ARHGEF19: variants seen among roughly 807,000 people sequenced by gnomAD.
ARHGEF19 encodes Rho guanine nucleotide exchange factor (GEF) 19.
A neutral mutation model predicts 87.6 loss-of-function variants in ARHGEF19; 92 were observed. The ratio of observed to expected loss-of-function variants is 1.05; its 90% confidence interval spans 0.89 to 1.25. ARHGEF19 has a LOEUF of 1.25. ARHGEF19 is among the 50% of genes most tolerant of loss of function. The probability of loss-of-function intolerance (pLI) is 0.00; values close to 1 mark genes in which losing one functional copy is unlikely to be tolerated. For synonymous variants in ARHGEF19, 438 were observed against 446.2 expected (o/e 0.98, Z 0.23); for missense variants, 1,054 against 1,051.8 (o/e 1.00, Z -0.03).
At position 16,199,249 on chromosome 1, in the gene ARHGEF19, G is replaced by C. The variant is rs779344158; in HGVS notation, c.2152C>G (p.Pro718Ala). Residue 718 changes from proline (P) to alanine (A), a missense_variant, in exon 15 of 16, where the codon CCC becomes GCC. Coordinates refer to ENST00000270747, the MANE Select transcript of ARHGEF19 (RefSeq NM_153213.5). Reference protein sequence around the residue: ...KEVISEGEDCPQVQCVRTYKA... With the variant: ...KEVISEGEDCAQVQCVRTYKA... ...TATGTCCTAACACACTGAACCTGGGGGCAATCTGACAGCCCAAGGGAGGCT... is the reference window on the plus strand; with the variant it reads ...TATGTCCTAACACACTGAACCTGGGCGCAATCTGACAGCCCAAGGGAGGCT... 2 of 1,613,918 alleles carry C rather than the reference G, an allele frequency of 1.2e-6. No homozygotes were observed. Among genetic ancestry groups the C allele is most frequent in the East Asian group, 4.5e-5 (2 of 44,876 alleles).
intron 1 of ARHGEF19, 79 bp from the exon 2 acceptor site, chr1:16,209,162 A>G (rs2081175314): frequency 8.8e-7 from 1 of 1,137,484 alleles, no homozygotes; most frequent in African/African-American, 1.6e-5. Context: ...AGGCCTGGAC[A>G]AACCCCTGTG....
At position 16,205,989 on chromosome 1, in the gene ARHGEF19, C is replaced by G; in HGVS notation, c.1393G>C (p.Val465Leu). 2 of 1,611,038 alleles carry G rather than the reference C, an allele frequency of 1.2e-6. No individual in the cohort carries two copies. Among genetic ancestry groups the G allele is most frequent in the Non-Finnish European group, 8.5e-7 (1 of 1,178,732 alleles). ...VLDHCPAFRR[V>L]YLPYVTNQAY... ...TGGTTGGTGACATAGGGCAGGTAGA[C>G]TCTGCGGAAGGCCGGGCAGTGGTCC... The change falls in exon 8 of 16, where the codon GTC becomes CTC. Residue 465 changes from valine to leucine, a missense_variant. Physicochemically the swap from Val to Leu is conservative, Grantham distance 32. Coordinates refer to ENST00000270747, the MANE Select transcript of ARHGEF19 (RefSeq NM_153213.5). The surrounding 1 kb of genome is among the most constrained non-coding windows in gnomAD (Gnocchi z 5.8).
intron 13 of ARHGEF19, 151 bp from the exon 14 acceptor site, chr1:16,202,012 C>T: frequency 1.2e-6 from 1 of 806,750 alleles, no homozygotes. Flanking sequence ...ACCCCAGGGC[C>T]CACCCCACAA....
chr1:16,201,181 C>G (rs2081080874), intron 14 of ARHGEF19, among the ~76,000 whole-genome samples: 1 of 152,102 alleles, frequency 6.6e-6, no homozygotes, highest in African/African-American at 2.4e-5. Flanking sequence ...ATGATCATGC[C>G]ACTGCACTCC....
rs764583601 is a variant in ARHGEF19, at chr1:16,205,541, C to G, written c.1578G>C (p.Val526=). ...GTGGCCTGTCCCCTCGAGGTACCTC[C>G]ACCAACATCTTGAGGCGGGTGATCC... ...FQRITRLKML[V]ENILKRTAQG... is the part of the protein sequence containing the mutation. Residue 526 remains valine, a synonymous_variant, in exon 9 of 16, where the codon GTG becomes GTC. Coordinates refer to ENST00000270747, the MANE Select transcript of ARHGEF19 (RefSeq NM_153213.5). The surrounding 1 kb of genome is among the most constrained non-coding windows in gnomAD (Gnocchi z 5.8). 2 of 1,614,076 alleles carry G rather than the reference C, an allele frequency of 1.2e-6. No individual in the cohort carries two copies. The highest frequency in any genetic ancestry group is 1.7e-6 in the Non-Finnish European group (2 of 1,179,988).
chr1:16,205,015 G>A lies in ARHGEF19; in HGVS notation c.1746+72C>T, dbSNP rs1444197100. The A allele has an allele frequency of 6.4e-7, 1 of 1,561,808 alleles. No homozygotes were observed. The highest frequency in any genetic ancestry group is 2.4e-5 in the East Asian group (1 of 41,990). ...GGTGTGGGCAGCGATTAACTGGCCT[G>A]AAGCCCCCAGGGCAAGGAAGAAACA... On this transcript the variant is annotated intron_variant, in intron 11 of 15. Transcript: ENST00000270747. The surrounding 1 kb of genome is among the most constrained non-coding windows in gnomAD (Gnocchi z 5.8).
intron 14 of ARHGEF19, among the ~76,000 whole-genome samples, chr1:16,201,380 C>T (rs2081082525): frequency 6.6e-6 from 1 of 152,216 alleles, no homozygotes; most frequent in Non-Finnish European, 1.5e-5. Context: ...ACTACCCCCA[C>T]CACCCCTCAT....
intron 13 of ARHGEF19, 149 bp from the exon 14 acceptor site, chr1:16,202,010 G>GCCCA: frequency 1.3e-6 from 1 of 765,312 alleles, no homozygotes; most frequent in Non-Finnish European, 2.0e-6. Context: ...CCACCCCAGG[G>GCCCA]CCCACCCCAC....
Position 16,206,394 on chromosome 1 carries a change from C to T in ARHGEF19, c.1138-54G>A, listed in dbSNP as rs1241271387. On this transcript the variant is annotated intron_variant, in intron 6 of 15. Coordinates refer to ENST00000270747, the MANE Select transcript of ARHGEF19 (RefSeq NM_153213.5). This position sits in a 1 kb window ranked among gnomAD's most constrained non-coding sequence, Gnocchi z 4.6. Reference sequence around the variant, plus strand: ...GGGCAGGACCAGTTCACCTCGGAGGCCCTGGCCTCACATCCCCAGACCCCA... The same window carrying T: ...GGGCAGGACCAGTTCACCTCGGAGGTCCTGGCCTCACATCCCCAGACCCCA... 1 of 1,548,554 alleles carries T rather than the reference C, an allele frequency of 6.5e-7. No individual in the cohort carries two copies. The highest frequency in any genetic ancestry group is 1.7e-4 in the Middle Eastern group (1 of 5,994).
Position 16,205,534 on chromosome 1 carries a change from G to A in ARHGEF19, c.1581+4C>T. 1.2e-6 allele frequency: 2 copies of A among 1,614,024 alleles called. No homozygotes were observed. The highest frequency in any genetic ancestry group is 2.7e-5 in the African/African-American group (2 of 75,014). ...CCTCACTGTGGCCTGTCCCCTCGAGGTACCTCCACCAACATCTTGAGGCGG... is the reference window on the plus strand; with the variant it reads ...CCTCACTGTGGCCTGTCCCCTCGAGATACCTCCACCAACATCTTGAGGCGG... On this transcript the variant is annotated splice_donor_region_variant and intron_variant, in intron 9 of 15. Coordinates refer to ENST00000270747, the MANE Select transcript of ARHGEF19 (RefSeq NM_153213.5). This position sits in a 1 kb window ranked among gnomAD's most constrained non-coding sequence, Gnocchi z 5.8.
Position 16,205,120 on chromosome 1 carries a change from G to A in ARHGEF19, c.1713C>T (p.Ile571=). Residue 571 remains isoleucine, a synonymous_variant, in exon 11 of 16, where the codon ATC becomes ATT. Transcript: ENST00000270747. This position sits in a 1 kb window ranked among gnomAD's most constrained non-coding sequence, Gnocchi z 5.8. ...VQSMKRTEEL[I]HLSKKIHFEG... The stretch of plus-strand genomic sequence containing the variant: ...CAAAGTGGATCTTCTTGCTCAGGTG[G>A]ATGAGTTCCTCTGTCCTCTTCATGG... 3 of 1,606,398 alleles carry A rather than the reference G, an allele frequency of 1.9e-6. No homozygotes were observed. Among genetic ancestry groups the A allele is most frequent in the Non-Finnish European group, 1.7e-6 (2 of 1,176,538 alleles).
chr1:16,199,158 G>A lies in ARHGEF19; in HGVS notation c.2243C>T (p.Thr748Ile). Residue 748 changes from threonine to isoleucine, a missense_variant, in exon 15 of 16, where the codon ACC (threonine) becomes ATC (isoleucine). Thr to Ile is a moderately conservative substitution (Grantham distance 89, BLOSUM62 -1). Coordinates refer to ENST00000270747, the MANE Select transcript of ARHGEF19 (RefSeq NM_153213.5). ...CCAGGAGGCCCCCTCACCGTCACTG[G>A]TCCAGGTCCTCACTGACAGGATGTC... ...KTDILSVRTW[T>I]SDGWLEGVRL... is the part of the protein sequence containing the mutation. 1 of 1,613,990 alleles carries A rather than the reference G, an allele frequency of 6.2e-7. No homozygotes were observed. Among genetic ancestry groups the A allele is most frequent in the South Asian group, 1.1e-5 (1 of 91,074 alleles).
In ARHGEF19 at chr1:16,207,844, G is replaced by C; in HGVS notation, c.695-67C>G. 6.3e-7 allele frequency: 1 copy of C among 1,588,196 alleles called. No homozygotes were observed. The highest frequency in any genetic ancestry group is 1.1e-5 in the South Asian group (1 of 89,414). The stretch of plus-strand genomic sequence containing the variant: ...GGCCTGGGGCCTGGGCCCCGGCCCA[G>C]GCACCCTGACGGCCTCAGGCGGCCG... On this transcript the variant is annotated intron_variant, in intron 3 of 15. Transcript: ENST00000270747. This position sits in a 1 kb window ranked among gnomAD's most constrained non-coding sequence, Gnocchi z 4.0.
chr1:16,209,140 C>T (rs1025392328), intron 1 of ARHGEF19, 57 bp from the exon 2 acceptor site: 139 of 1,338,502 alleles, frequency 1.0e-4, no homozygotes, highest in Non-Finnish European at 1.3e-4. Flanking sequence ...GCCAGTAAGC[C>T]ACCACCCCTG....
At chr1:16,202,721 G>C in intron 12 of ARHGEF19, 147 bp from the exon 13 acceptor site, 4 of 1,044,556 alleles carry the variant, frequency 3.8e-6, no homozygotes, top group Non-Finnish European at 5.5e-6. Context: ...TTCTGGATAG[G>C]GCACTGCTAG....
In ARHGEF19 at chr1:16,206,139, G is replaced by C; in HGVS notation, c.1298+41C>G. On this transcript the variant is annotated intron_variant, in intron 7 of 15. Coordinates refer to ENST00000270747, the MANE Select transcript of ARHGEF19 (RefSeq NM_153213.5). This position sits in a 1 kb window ranked among gnomAD's most constrained non-coding sequence, Gnocchi z 4.6. The stretch of plus-strand genomic sequence containing the variant: ...AGATCTGGGAGCTGGCCAACCACTG[G>C]CTCCGTCCCCACCCCGGGCCAGGCC... 6.3e-7 allele frequency: 1 copy of C among 1,580,572 alleles called. No individual in the cohort carries two copies. The highest frequency in any genetic ancestry group is 8.6e-7 in the Non-Finnish European group (1 of 1,161,728).
In ARHGEF19 at chr1:16,205,504, C is replaced by T. The variant is rs2081121102; in HGVS notation, c.1581+34G>A. Reference sequence around the variant, plus strand: ...CCGCCCACAGGTGTATCTCCCTCGCCCAGCCCTCACTGTGGCCTGTCCCCT... The same window carrying T: ...CCGCCCACAGGTGTATCTCCCTCGCTCAGCCCTCACTGTGGCCTGTCCCCT... On this transcript the variant is annotated intron_variant, in intron 9 of 15. Transcript: ENST00000270747. This position sits in a 1 kb window ranked among gnomAD's most constrained non-coding sequence, Gnocchi z 5.8. 1 of 1,613,686 alleles carries T rather than the reference C, an allele frequency of 6.2e-7. No individual in the cohort carries two copies. Among genetic ancestry groups the T allele is most frequent in the South Asian group, 1.1e-5 (1 of 91,082 alleles).
Position 16,207,883 on chromosome 1 carries a change from G to GCGCC in ARHGEF19, c.694+60_694+61insGGCG. On this transcript the variant is annotated intron_variant, in intron 3 of 15. Coordinates refer to ENST00000270747, the MANE Select transcript of ARHGEF19 (RefSeq NM_153213.5). The surrounding 1 kb of genome is among the most constrained non-coding windows in gnomAD (Gnocchi z 4.0). ...CTCAGGCGGCCGGTGAGTGGGCATC[G>GCGCC]CCCACCCCCACCCCCACCCGGCATC... 4 of 1,476,426 alleles carry GCGCC rather than the reference G, an allele frequency of 2.7e-6. No individual in the cohort carries two copies. Among genetic ancestry groups the GCGCC allele is most frequent in the Non-Finnish European group, 3.7e-6 (4 of 1,069,256 alleles). The allele number at this position is 1,476,426 out of a possible 1,614,324, so 91.5% of individuals were successfully genotyped here. A position where few individuals can be genotyped will look rare whatever the true frequency, so the allele number is the denominator to read the frequency against.
chr1:16,205,488 G>A lies in ARHGEF19; in HGVS notation c.1581+50C>T. On this transcript the variant is annotated intron_variant, in intron 9 of 15. Coordinates refer to ENST00000270747, the MANE Select transcript of ARHGEF19 (RefSeq NM_153213.5). The surrounding 1 kb of genome is among the most constrained non-coding windows in gnomAD (Gnocchi z 5.8). ...ACTCCCGAGACCCGGCCCGCCCACA[G>A]GTGTATCTCCCTCGCCCAGCCCTCA... The A allele has an allele frequency of 6.2e-7, 1 of 1,613,220 alleles. No homozygotes were observed. The highest frequency in any genetic ancestry group is 1.3e-5 in the African/African-American group (1 of 74,958).
Sources: gnomAD v4.1 joint callset for allele counts (sites outside exome capture counted in the v4.1 genomes callset) on GRCh38, gnomAD v4.1.1 for gene constraint, Gnocchi (gnomAD v3.1) non-coding constraint, MANE v1.5 for transcripts, NCBI Gene and HGNC (gene_info 2026-07-23, HGNC 2026-07-21) for gene names.